Variants in CCDC102A observed in about 807,000 individuals in gnomAD.
The protein encoded by CCDC102A is coiled-coil domain-containing protein 102A.
A neutral mutation model predicts 55.5 loss-of-function variants in CCDC102A; 40 were observed. The ratio of observed to expected loss-of-function variants is 0.72; its 90% CI spans 0.56 to 0.94. CCDC102A has a LOEUF of 0.94. Ranked by LOEUF, CCDC102A falls within the 40% of genes least tolerant of loss-of-function variation. CCDC102A has a pLI of 0.00. For missense variants in CCDC102A, 779 were observed against 768.6 expected, an observed-to-expected ratio of 1.01 and a Z score of -0.16; for synonymous variants, 323 against 339.0, an observed-to-expected ratio of 0.95 and a Z score of 0.52.
At chr16:57,526,201 T>C in intron 2 of CCDC102A, 74 bp from the exon 3 acceptor site, 1 of 1,118,130 alleles carries the variant, frequency 8.9e-7, no homozygotes. Flanking sequence ...GCTTGATGGG[T>C]AACCTTGGGC....
intron 1 of CCDC102A, among the ~76,000 whole-genome samples, chr16:57,536,171 GT>G (rs1405370849): frequency 6.6e-6 from 1 of 152,110 alleles, no homozygotes; most frequent in Non-Finnish European, 1.5e-5. Flanking sequence ...ACCACGTTGG[GT>G]CCCCCGGGAG....
At chr16:57,521,834 C>T (rs1326694289) in intron 3 of CCDC102A, among the ~76,000 whole-genome samples, 3 of 152,222 alleles carry the variant, frequency 2.0e-5, no homozygotes, top group Admixed American at 6.5e-5. Context: ...CCTTCCAGCA[C>T]GCTGCCCTTC....
At chr16:57,535,981 C>T (rs1255298482) in intron 1 of CCDC102A, among the ~76,000 whole-genome samples, 1 of 152,212 alleles carries the variant, frequency 6.6e-6, no homozygotes, top group African/African-American at 2.4e-5. Flanking sequence ...AAGCCGCTGG[C>T]CCTGCGAACC....
Position 57,519,449 on chromosome 16 carries a change from C to T in CCDC102A, c.922-708G>A, listed in dbSNP as rs537478443. On this transcript the variant is annotated intron_variant, in intron 4 of 8. Coordinates refer to ENST00000258214, the MANE Select transcript of CCDC102A (RefSeq NM_033212.4). ...TCGTTGTATGGCCTGGGCACAGGGCCGCCCTCAGTGTACAGTGACTAATTC... is the reference window on the plus strand; with the variant it reads ...TCGTTGTATGGCCTGGGCACAGGGCTGCCCTCAGTGTACAGTGACTAATTC... Among the ~76,000 whole-genome samples the T allele has an allele frequency of 5.9e-5, 9 of 152,306 alleles. No individual in the cohort carries two copies. The South Asian group carries it at 1.4e-3, about 25-fold the overall frequency.
intron 3 of CCDC102A, among the ~76,000 whole-genome samples, chr16:57,524,958 G>T (rs1447118623): frequency 3.9e-5 from 6 of 152,096 alleles, no homozygotes; most frequent in African/African-American, 1.4e-4. Flanking sequence ...CCCTTCTCTT[G>T]TCTCCTCTGC....
In CCDC102A at chr16:57,528,734, GC is replaced by G; in HGVS notation, c.443del (p.Gly148AlafsTer13). On this transcript the variant is annotated frameshift_variant, in exon 2 of 9. Coordinates refer to ENST00000258214, the MANE Select transcript of CCDC102A (RefSeq NM_033212.4). LOFTEE classifies it high-confidence loss of function. ...GARRERQEAQ[G>X]ECEARGRELA... ...GCTCGCGGCCCCGTGCCTCGCACTC[GC>G]CCTGCGCCTCTTGGCGCTCGCGCCG... 2 of 1,164,592 alleles carry G rather than the reference GC, an allele frequency of 1.7e-6. No homozygotes were observed. The highest frequency in any genetic ancestry group is 2.3e-5 in the South Asian group (1 of 42,688). The allele number at this position is 1,164,592 out of a possible 1,614,324, so 72.1% of individuals were successfully genotyped here. A position where few individuals can be genotyped will look rare whatever the true frequency, so the allele number is the denominator to read the frequency against.
chr16:57,515,565 C>A, intron 7 of CCDC102A, 121 bp from the exon 8 acceptor site: 1 of 689,998 alleles, frequency 1.4e-6, no homozygotes, highest in Non-Finnish European at 2.6e-6. Context: ...AGAGTGTTTG[C>A]TCCTTGAGGC....
At chr16:57,531,304 C>T (rs559805525) in intron 1 of CCDC102A, among the ~76,000 whole-genome samples, 1 of 152,132 alleles carries the variant, frequency 6.6e-6, no homozygotes, top group South Asian at 2.1e-4. Flanking sequence ...GAAGGCACTT[C>T]CTCACTCCTT....
At chr16:57,532,578 G>A (rs749622816) in intron 1 of CCDC102A, among the ~76,000 whole-genome samples, 1 of 152,116 alleles carries the variant, frequency 6.6e-6, no homozygotes, top group South Asian at 2.1e-4. Flanking sequence ...ACAACGACAC[G>A]GGTGCATGGA....
chr16:57,518,808 G>T, intron 4 of CCDC102A, 67 bp from the exon 5 acceptor site: 2 of 1,260,464 alleles, frequency 1.6e-6, no homozygotes, highest in South Asian at 2.6e-5. Flanking sequence ...ACCTCCGGGG[G>T]TGGGCGCCAG....
Position 57,528,807 on chromosome 16 carries a change from T to G in CCDC102A, c.371A>C (p.Gln124Pro). 2.4e-6 allele frequency: 3 copies of G among 1,234,752 alleles called. No homozygotes were observed. The highest frequency in any genetic ancestry group is 3.1e-6 in the Non-Finnish European group (3 of 979,164). The allele number at this position is 1,234,752 out of a possible 1,614,324, so 76.5% of individuals were successfully genotyped here. A position where few individuals can be genotyped will look rare whatever the true frequency, so the allele number is the denominator to read the frequency against. ...ERNRAREEVR[Q>P]LRQRLDALTK... ...GAGCGCGTCCAGGCGCTGGCGCAGC[T>G]GGCGCACCTCCTCGCGCGCGCGGTT... The change falls in exon 2 of 9, where the codon CAG becomes CCG. Residue 124 changes from glutamine (Q) to proline (P), a missense_variant. By Grantham distance (76) the Gln-to-Pro change is moderately conservative. Coordinates refer to ENST00000258214, the MANE Select transcript of CCDC102A (RefSeq NM_033212.4).
intron 1 of CCDC102A, among the ~76,000 whole-genome samples, chr16:57,535,542 C>A (rs2032356828): frequency 6.6e-6 from 1 of 152,138 alleles, no homozygotes; most frequent in Non-Finnish European, 1.5e-5. Flanking sequence ...CCGAGAGCAC[C>A]TACACGATGG....
chr16:57,527,908 TG>T (rs1453371595), intron 2 of CCDC102A, among the ~76,000 whole-genome samples: 1 of 152,244 alleles, frequency 6.6e-6, no homozygotes. Context: ...CTAGACTTTT[TG>T]CACAGGCAGT....
chr16:57,521,239 G>A, intron 3 of CCDC102A, 63 bp from the exon 4 acceptor site: 2 of 1,297,294 alleles, frequency 1.5e-6, no homozygotes, highest in South Asian at 1.2e-5. Flanking sequence ...TCCTCACCAA[G>A]GGTGGCCCTG....
rs1346926132 is a variant in CCDC102A at position 57,529,878 on chromosome 16, G to A, written c.-147-554C>T. Reference sequence around the variant, plus strand: ...GTGAGTTTGCTGTGGTCCAGGACTGGGTCCTGACCACTGTTTTAGTCCCAA... The same window carrying A: ...GTGAGTTTGCTGTGGTCCAGGACTGAGTCCTGACCACTGTTTTAGTCCCAA... On this transcript the variant is annotated intron_variant, in intron 1 of 8. Coordinates refer to ENST00000258214, the MANE Select transcript of CCDC102A (RefSeq NM_033212.4). This position sits in a 1 kb window ranked among gnomAD's most constrained non-coding sequence, Gnocchi z 4.1. Among the ~76,000 whole-genome samples the A allele has an allele frequency of 1.2e-4, 19 of 152,072 alleles. No individual in the cohort carries two copies. Among genetic ancestry groups the A allele is most frequent in the African/African-American group, 4.1e-4 (17 of 41,382 alleles).
intron 1 of CCDC102A, among the ~76,000 whole-genome samples, chr16:57,532,925 G>C (rs76949753): frequency 6.6e-6 from 1 of 152,190 alleles, no homozygotes; most frequent in South Asian, 2.1e-4. Context: ...TCTTGCAGCC[G>C]CTGAACTAGG....
In CCDC102A at chr16:57,518,112, A is replaced by T; in HGVS notation, c.1204T>A (p.Cys402Ser). The T allele has an allele frequency of 6.2e-7, 1 of 1,607,908 alleles. No individual in the cohort carries two copies. The highest frequency in any genetic ancestry group is 8.5e-7 in the Non-Finnish European group (1 of 1,179,214). ...RRRQTASALD[C>S]DLRASQAALF... ...GCGGCCTGGCTGGCCCTCAGGTCGC[A>T]GTCCAGTGCGCTGGCTGTTTGCCGC... Residue 402 changes from cysteine (C) to serine (S), a missense_variant, in exon 6 of 9, where the codon TGC becomes AGC. By Grantham distance (112) the Cys-to-Ser change is moderately radical. Coordinates refer to ENST00000258214, the MANE Select transcript of CCDC102A (RefSeq NM_033212.4).
intron 3 of CCDC102A, 53 bp downstream of exon 3, chr16:57,525,848 G>A (rs1387409994): frequency 1.4e-5 from 21 of 1,514,920 alleles, no homozygotes; most frequent in East Asian, 1.1e-4. Context: ...TTCTGAGGGC[G>A]TTGTAGCACG....
At chr16:57,535,330 G>C (rs1329988017) in intron 1 of CCDC102A, among the ~76,000 whole-genome samples, 2 of 152,124 alleles carry the variant, frequency 1.3e-5, no homozygotes, top group African/African-American at 2.4e-5. Flanking sequence ...TTCCCAGGTA[G>C]CCCCATCTTA....
Sources: allele counts gnomAD v4.1 joint callset (sites outside exome capture counted in the v4.1 genomes callset), GRCh38; gene constraint gnomAD v4.1.1; non-coding constraint Gnocchi (gnomAD v3.1); transcripts MANE v1.5; gene names NCBI Gene and HGNC (gene_info 2026-07-23, HGNC 2026-07-21).